STPG4: variants seen among roughly 807,000 people sequenced by gnomAD.
The protein encoded by STPG4 is sperm-tail PG-rich repeat containing 4.
In STPG4, 41 loss-of-function variants were observed where a neutral mutation model predicts 31.5. That is an observed-to-expected ratio of 1.30 (90% CI 1.01 to 1.69). STPG4 has a LOEUF of 1.69. Among genes scored for constraint, STPG4 ranks in the 40% most tolerant of loss-of-function variants. The probability of loss-of-function intolerance (pLI) is 0.00; values close to 1 mark genes in which losing one functional copy is unlikely to be tolerated. For synonymous variants in STPG4, 141 were observed against 103.0 expected, an observed-to-expected ratio of 1.37 and a Z score of -2.24; for missense variants, 375 against 293.4, an observed-to-expected ratio of 1.28 and a Z score of -2.03.
At chr2:47,102,200 G>A (rs10451649) in intron 5 of STPG4, among the ~76,000 whole-genome samples, 13,877 of 136,886 alleles carry the variant, frequency 0.1, 888 homozygotes, top group Non-Finnish European at 0.13. Flanking sequence ...GTCAGTGAGC[G>A]CAACTATTCC....
chr2:47,128,209 C>G (rs1686402095), intron 5 of STPG4, among the ~76,000 whole-genome samples: 1 of 152,138 alleles, frequency 6.6e-6, no homozygotes, highest in Admixed American at 6.5e-5. Flanking sequence ...CGAAGTCTCT[C>G]TTTGTGCTGA....
At chr2:47,118,880 G>A (rs555881049) in intron 5 of STPG4, among the ~76,000 whole-genome samples, 1 of 152,322 alleles carries the variant, frequency 6.6e-6, no homozygotes, top group South Asian at 2.1e-4. Context: ...ACATGCTGTA[G>A]TTGATTTATA....
chr2:47,120,282 G>A (rs1686240662), intron 5 of STPG4, among the ~76,000 whole-genome samples: 1 of 152,216 alleles, frequency 6.6e-6, no homozygotes, highest in Non-Finnish European at 1.5e-5. Flanking sequence ...AGTGAGCCGA[G>A]ATTGTGCCGC....
chr2:47,101,287 C>G (rs111383967), intron 5 of STPG4, among the ~76,000 whole-genome samples: 13,682 of 151,742 alleles, frequency 0.09, 867 homozygotes, highest in Non-Finnish European at 0.12. Flanking sequence ...TGCCTAGAAC[C>G]AGCTTCTGCT....
chr2:47,107,809 CTCTA>C (rs1685950304), intron 5 of STPG4, among the ~76,000 whole-genome samples: 3 of 144,544 alleles, frequency 2.1e-5, no homozygotes, highest in Non-Finnish European at 4.4e-5. Context: ...CCAATCAGCA[CTCTA>C]TCTAGCTCAA....
intron 5 of STPG4, among the ~76,000 whole-genome samples, chr2:47,101,974 C>A (rs79111477): frequency 0.055 from 8,345 of 151,756 alleles, 421 homozygotes; most frequent in African/African-American, 0.11. Context: ...CGATTTTTCT[C>A]GGTCGGTCCT....
At chr2:47,133,013 T>G (rs1193248269) in intron 3 of STPG4, among the ~76,000 whole-genome samples, 1 of 152,200 alleles carries the variant, frequency 6.6e-6, no homozygotes, top group African/African-American at 2.4e-5. Context: ...TTAACGTAAT[T>G]GAAAGGGGGC....
chr2:47,100,379 A>G (rs1573152790), intron 5 of STPG4, among the ~76,000 whole-genome samples: 2 of 147,520 alleles, frequency 1.4e-5, no homozygotes, highest in East Asian at 4.0e-4. Context: ...GCCTTGGAGA[A>G]CCTTTGTGTC....
chr2:47,094,529 AT>A (rs1226715354), intron 5 of STPG4, among the ~76,000 whole-genome samples: 6 of 152,206 alleles, frequency 3.9e-5, no homozygotes, highest in Non-Finnish European at 5.9e-5. Context: ...ACACAGATGA[AT>A]AAAATACTCT....
chr2:47,097,165 A>C (rs776989787), intron 5 of STPG4, among the ~76,000 whole-genome samples: 1 of 152,214 alleles, frequency 6.6e-6, no homozygotes, highest in Non-Finnish European at 1.5e-5. Context: ...TACAAAATTT[A>C]ATTTTAAGTT....
At chr2:47,126,246 C>G (rs899172035) in intron 5 of STPG4, among the ~76,000 whole-genome samples, 1 of 151,896 alleles carries the variant, frequency 6.6e-6, no homozygotes, top group Non-Finnish European at 1.5e-5. Flanking sequence ...GTTCTTTCTT[C>G]TTTCTTTCCT....
intron 5 of STPG4, among the ~76,000 whole-genome samples, chr2:47,127,618 C>T (rs1378861557): frequency 6.6e-6 from 1 of 152,164 alleles, no homozygotes. Context: ...TATTGGGAGA[C>T]TCTGATGTAT....
intron 5 of STPG4, among the ~76,000 whole-genome samples, chr2:47,115,813 C>T (rs1204826578): frequency 5.9e-5 from 9 of 152,050 alleles, no homozygotes; most frequent in African/African-American, 7.2e-5. Context: ...CTGCCATGCA[C>T]GACTAATTTT....
intron 5 of STPG4, among the ~76,000 whole-genome samples, chr2:47,092,593 G>GAGGGAGAAGGGGAGGGA (rs1685592369): frequency 4.3e-5 from 5 of 115,942 alleles, no homozygotes; most frequent in African/African-American, 1.3e-4. Context: ...AAGGGGAGGG[G>GAGGGAGAAGGGGAGGGA]AGGGAGAAGG....
intron 5 of STPG4, among the ~76,000 whole-genome samples, chr2:47,123,109 A>T (rs1686306984): frequency 6.6e-6 from 1 of 152,202 alleles, no homozygotes; most frequent in Non-Finnish European, 1.5e-5. Context: ...TACAGGCGTG[A>T]GCCACTGTGC....
At chr2:47,104,279 A>T (rs922218113) in intron 5 of STPG4, among the ~76,000 whole-genome samples, 6 of 152,022 alleles carry the variant, frequency 3.9e-5, no homozygotes, top group African/African-American at 1.5e-4. Context: ...GAAGCTCATA[A>T]AGGATTACGG....
chr2:47,155,196 C>T lies in STPG4; in HGVS notation c.56G>A (p.Gly19Asp), dbSNP rs1478226421. The T allele has an allele frequency of 1.2e-6, 2 of 1,614,184 alleles. No homozygotes were observed. Among genetic ancestry groups the T allele is most frequent in the Non-Finnish European group, 1.7e-6 (2 of 1,180,032 alleles). ...ASTSIREDLV[G>D]GESFITASKP... ...CGAAGCTGTGATGAATGATTCTCCA[C>T]CCACCAGGTCTTCCCTTATTGAGGT... Residue 19 changes from glycine (G) to aspartate (D), a missense_variant, in exon 1 of 7, where the codon GGT (glycine) becomes GAT (aspartate). Gly to Asp is a moderately conservative substitution (Grantham distance 94). Coordinates refer to ENST00000445927, the MANE Select transcript of STPG4 (RefSeq NM_001163561.2).
At chr2:47,095,742 C>G (rs917935226) in intron 5 of STPG4, among the ~76,000 whole-genome samples, 35 of 152,226 alleles carry the variant, frequency 2.3e-4, no homozygotes, top group Non-Finnish European at 2.6e-4. Flanking sequence ...TTTAACTGGG[C>G]TCATGTCTAC....
chr2:47,108,979 AC>A (rs1321500112), intron 5 of STPG4, among the ~76,000 whole-genome samples: 2 of 152,188 alleles, frequency 1.3e-5, no homozygotes, highest in African/African-American at 4.8e-5. Context: ...ACAGTACCTA[AC>A]GTGCCAAGGT....
Sources: gnomAD v4.1 joint callset for allele counts (sites outside exome capture counted in the v4.1 genomes callset) on GRCh38, gnomAD v4.1.1 for gene constraint, MANE v1.5 for transcripts, NCBI Gene and HGNC (gene_info 2026-07-23, HGNC 2026-07-21) for gene names.